Variants in KLHL4 observed in about 807,000 individuals in gnomAD.
The protein encoded by KLHL4 is kelch-like protein 4.
Under a neutral mutation model 45.8 loss-of-function variants are expected in KLHL4, and 17 were observed. The observed-to-expected ratio is 0.37, with a 90% CI of 0.25 to 0.56. KLHL4 has a LOEUF of 0.56. Among genes scored for constraint, KLHL4 ranks in the 20% least tolerant of loss-of-function variants. The pLI is 0.79. For missense variants in KLHL4, 544 were observed against 544.9 expected, an observed-to-expected ratio of 1.00 and a Z score of 0.02; for synonymous variants, 224 against 189.9, an observed-to-expected ratio of 1.18 and a Z score of -1.47.
chrX:87,598,817 T>C (rs768181327), intron 1 of KLHL4, among the ~76,000 whole-genome samples: 2 of 111,178 alleles, frequency 1.8e-5, no homozygotes, highest in Non-Finnish European at 3.8e-5. Context: ...CTGGTTGTTT[T>C]ATTTTAGTAT....
intron 9 of KLHL4, among the ~76,000 whole-genome samples, chrX:87,647,372 A>G (rs1408248976): frequency 8.9e-6 from 1 of 112,083 alleles, no homozygotes; most frequent in Non-Finnish European, 1.9e-5. Flanking sequence ...TGAAACAGCA[A>G]TCCCACTCCT....
chrX:87,539,992 T>TAG (rs1394154316), intron 1 of KLHL4, among the ~76,000 whole-genome samples: 1 of 111,806 alleles, frequency 8.9e-6, no homozygotes, highest in Non-Finnish European at 1.9e-5. Context: ...TACAAACCTG[T>TAG]GTAGGATATT....
intron 4 of KLHL4, among the ~76,000 whole-genome samples, chrX:87,620,406 T>C (rs1395305153): frequency 1.8e-5 from 2 of 111,883 alleles, no homozygotes; most frequent in East Asian, 2.8e-4. Context: ...ATTACACTTA[T>C]TCTTTATTTA....
intron 7 of KLHL4, 81 bp from the exon 8 acceptor site, chrX:87,633,668 C>A: frequency 3.6e-6 from 3 of 825,417 alleles, no homozygotes; most frequent in African/African-American, 2.1e-5. Flanking sequence ...AAAATTTAAG[C>A]AGTTAATTGC....
chrX:87,545,428 C>T (rs1931653382), intron 1 of KLHL4, among the ~76,000 whole-genome samples: 2 of 111,013 alleles, frequency 1.8e-5, no homozygotes, highest in African/African-American at 3.3e-5. Flanking sequence ...AGGGGCTGTC[C>T]CCCCTTTGCT....
intron 4 of KLHL4, among the ~76,000 whole-genome samples, chrX:87,621,931 G>A (rs1383505414): frequency 1.8e-5 from 2 of 111,390 alleles, no homozygotes; most frequent in Non-Finnish European, 3.8e-5. Flanking sequence ...AAAAACTGCC[G>A]CTTTTGGCTC....
intron 9 of KLHL4, among the ~76,000 whole-genome samples, chrX:87,649,920 A>C (rs1923753860): frequency 9.0e-6 from 1 of 111,284 alleles, no homozygotes; most frequent in Admixed American, 9.6e-5. Context: ...TGTAGCTAGT[A>C]TACTAAACTT....
chrX:87,630,148 C>G (rs939361695), intron 6 of KLHL4, among the ~76,000 whole-genome samples: 1 of 111,507 alleles, frequency 9.0e-6, no homozygotes, highest in African/African-American at 3.3e-5. Context: ...TCAATCTAAT[C>G]AAGGAGCAGT....
intron 10 of KLHL4, 64 bp from the exon 11 acceptor site, chrX:87,666,411 A>G: frequency 1.9e-6 from 2 of 1,050,503 alleles, no homozygotes; most frequent in Admixed American, 2.7e-5. Flanking sequence ...TATTGAATAT[A>G]ATATTTTATA....
chrX:87,582,686 G>A lies in KLHL4; in HGVS notation c.423-31191G>A, dbSNP rs182202336. 3.6e-3 allele frequency among the ~76,000 whole-genome samples: 405 copies of A among 111,866 alleles called. 7 individuals carry two copies. In the South Asian group the frequency reaches 0.05, roughly 14 times the overall value. On this transcript the variant is annotated intron_variant, in intron 1 of 10. Transcript: ENST00000373119. The stretch of plus-strand genomic sequence containing the variant: ...AAGATAAAGTGGACTTGGGCTGGTG[G>A]GGGGATCATTTTGTGTCCAGAGTTG...
intron 1 of KLHL4, among the ~76,000 whole-genome samples, chrX:87,547,122 G>A (rs1376533993): frequency 9.0e-6 from 1 of 111,622 alleles, no homozygotes; most frequent in Non-Finnish European, 1.9e-5. Context: ...AGATTTGGGT[G>A]GAGCCTGGGC....
At chrX:87,632,501 A>G (rs1602454425) in intron 7 of KLHL4, 67 bp downstream of exon 7, 3 of 734,986 alleles carry the variant, frequency 4.1e-6, no homozygotes, top group East Asian at 6.7e-5. Flanking sequence ...AATTAAATCT[A>G]GCAGCACATT....
intron 1 of KLHL4, among the ~76,000 whole-genome samples, chrX:87,533,503 A>G (rs1321776861): frequency 1.0e-5 from 1 of 100,036 alleles, no homozygotes. Context: ...GAATTGAACA[A>G]TGAGAACACA....
rs990473720 is a variant in KLHL4 at position 87,635,834 on chromosome X, T to G, written c.1925+59T>G. ...ATTTGGTTATTTAATTTTTTAGAAA[T>G]AGAAAGATTTTTTTTCTTTTAAATG... On this transcript the variant is annotated intron_variant, in intron 9 of 10. Coordinates refer to ENST00000373119, the MANE Select transcript of KLHL4 (RefSeq NM_019117.5). 5.6e-6 allele frequency: 5 copies of G among 887,155 alleles called. No homozygotes were observed. In the African/African-American group the frequency reaches 1.0e-4, roughly 18 times the overall value. The allele number at this position is 887,155 out of a possible 1,213,427, so 73.1% of individuals were successfully genotyped here. A position where few individuals can be genotyped will look rare whatever the true frequency, so the allele number is the denominator to read the frequency against.
chrX:87,528,000 A>G (rs1422279951), intron 1 of KLHL4, among the ~76,000 whole-genome samples: 1 of 111,192 alleles, frequency 9.0e-6, no homozygotes, highest in Non-Finnish European at 1.9e-5. Flanking sequence ...ACCTGATGGT[A>G]AAACTAAGAC....
intron 1 of KLHL4, among the ~76,000 whole-genome samples, chrX:87,540,625 T>G (rs1931529710): frequency 1.8e-5 from 2 of 111,454 alleles, no homozygotes; most frequent in South Asian, 7.6e-4. Flanking sequence ...ATCATACACA[T>G]GGAGCTGTAT....
intron 9 of KLHL4, among the ~76,000 whole-genome samples, chrX:87,663,069 A>G (rs1245814461): frequency 1.0e-5 from 1 of 98,668 alleles, no homozygotes; most frequent in African/African-American, 3.9e-5. Flanking sequence ...CCAATTACTT[A>G]TGATAATAAT....
In KLHL4 at chrX:87,625,639, G is replaced by A. The variant is rs1272572853; in HGVS notation, c.1167G>A (p.Met389Ile). Reference sequence around the variant, plus strand: ...TGGCAGATCTTGAAACCAGTTCCATGTTTACTGGTGATCTTGAGTGTCAGA... The same window carrying A: ...TGGCAGATCTTGAAACCAGTTCCATATTTACTGGTGATCTTGAGTGTCAGA... ...QLLADLETSS[M>I]FTGDLECQKL... The change falls in exon 6 of 11, where the codon ATG (methionine) becomes ATA (isoleucine). Residue 389 changes from methionine to isoleucine, a missense_variant. Coordinates refer to ENST00000373119, the MANE Select transcript of KLHL4 (RefSeq NM_019117.5). The A allele has an allele frequency of 1.7e-6, 2 of 1,205,506 alleles. No individual in the cohort carries two copies. Among genetic ancestry groups the A allele is most frequent in the African/African-American group, 1.8e-5 (1 of 56,975 alleles).
chrX:87,647,778 T>C (rs1923685851), intron 9 of KLHL4, among the ~76,000 whole-genome samples: 1 of 111,041 alleles, frequency 9.0e-6, no homozygotes, highest in South Asian at 3.7e-4. Flanking sequence ...TGGTGATGGG[T>C]GCACCAAAAT....
Sources: gnomAD v4.1 joint callset for allele counts (sites outside exome capture counted in the v4.1 genomes callset) on GRCh38, gnomAD v4.1.1 for gene constraint, MANE v1.5 for transcripts, NCBI Gene and HGNC (gene_info 2026-07-23, HGNC 2026-07-21) for gene names.